NDST3: variants seen among roughly 807,000 people sequenced by gnomAD.
The protein encoded by NDST3 is N-deacetylase and N-sulfotransferase 3.
A neutral mutation model predicts 96.1 loss-of-function variants in NDST3; 58 were observed. The ratio of observed to expected loss-of-function variants is 0.60; its 90% confidence interval spans 0.49 to 0.75. The LOEUF (loss-of-function observed/expected upper bound fraction) is 0.75. Ranked by LOEUF, NDST3 falls within the 30% of genes least tolerant of loss-of-function variation. NDST3 has a pLI of 0.00. For synonymous variants in NDST3, 333 were observed against 359.7 expected (o/e 0.93, Z 0.84); for missense variants, 788 against 1,034.2 (o/e 0.76, Z 3.27).
chr4:118,194,146 C>T, intron 6 of NDST3: 1 of 923,784 alleles, frequency 1.1e-6, no homozygotes, highest in African/African-American at 1.6e-5. Context: ...GTTCTCCTTT[C>T]TACATGCACT....
intron 9 of NDST3, among the ~76,000 whole-genome samples, chr4:118,235,951 T>C (rs1353295153): frequency 6.6e-6 from 1 of 152,216 alleles, no homozygotes; most frequent in Non-Finnish European, 1.5e-5. Flanking sequence ...TACCAGAAGC[T>C]TTATCATGTT....
chr4:118,053,306 C>T (rs145639001), intron 1 of NDST3, among the ~76,000 whole-genome samples: 1 of 151,952 alleles, frequency 6.6e-6, no homozygotes, highest in African/African-American at 2.4e-5. Context: ...ATTGACTGTG[C>T]CATCGACTTT....
chr4:118,037,259 T>C (rs954813596), intron 1 of NDST3, among the ~76,000 whole-genome samples: 1 of 152,182 alleles, frequency 6.6e-6, no homozygotes, highest in Admixed American at 6.5e-5. Context: ...ATTGTCTAGA[T>C]TTCTGCTAAG....
At chr4:118,099,418 C>T (rs1377016538) in intron 2 of NDST3, among the ~76,000 whole-genome samples, 3 of 152,088 alleles carry the variant, frequency 2.0e-5, no homozygotes, top group Non-Finnish European at 4.4e-5. Context: ...ACAGTCCAGC[C>T]TTTGGTCTTT....
Position 118,152,935 on chromosome 4 carries a change from A to G in NDST3, c.1539+9251A>G, listed in dbSNP as rs1237680279. 3.3e-5 allele frequency among the ~76,000 whole-genome samples: 5 copies of G among 150,732 alleles called. No homozygotes were observed. In the South Asian group the frequency reaches 6.2e-4, roughly 19 times the overall value. Reference sequence around the variant, plus strand: ...TCAGCTCACCTTTCTGAGTCAGCCCATATCAGTCCTGGCCTTCTGTGAAAT... The same window carrying G: ...TCAGCTCACCTTTCTGAGTCAGCCCGTATCAGTCCTGGCCTTCTGTGAAAT... On this transcript the variant is annotated intron_variant, in intron 6 of 13. Transcript: ENST00000296499.
chr4:118,139,128 A>T (rs763928851), intron 5 of NDST3, among the ~76,000 whole-genome samples: 7 of 152,204 alleles, frequency 4.6e-5, no homozygotes, highest in Non-Finnish European at 7.3e-5. Flanking sequence ...ATCATCTCCC[A>T]TCTTGACTTT....
intron 6 of NDST3, among the ~76,000 whole-genome samples, chr4:118,219,467 C>T (rs1256291137): frequency 6.6e-6 from 1 of 152,068 alleles, no homozygotes; most frequent in Non-Finnish European, 1.5e-5. Flanking sequence ...ATAAATGGTG[C>T]TGGAAAAACT....
chr4:118,230,078 A>G (rs1740166497), intron 8 of NDST3, among the ~76,000 whole-genome samples: 1 of 152,224 alleles, frequency 6.6e-6, no homozygotes, highest in South Asian at 2.1e-4. Flanking sequence ...AAATTCACAC[A>G]GCTGGTAAGT....
At chr4:118,140,615 TTAA>T (rs1356688005) in intron 5 of NDST3, among the ~76,000 whole-genome samples, 1 of 152,172 alleles carries the variant, frequency 6.6e-6, no homozygotes, top group Non-Finnish European at 1.5e-5. Flanking sequence ...GGAAAGAGGT[TTAA>T]TGGACTCATA....
intron 2 of NDST3, among the ~76,000 whole-genome samples, chr4:118,082,168 C>T (rs918784871): frequency 1.3e-5 from 2 of 152,124 alleles, no homozygotes; most frequent in South Asian, 2.1e-4. Context: ...AGTATTTTTA[C>T]ATCCTCGTGC....
At chr4:118,116,747 A>G (rs1368729267) in intron 4 of NDST3, among the ~76,000 whole-genome samples, 1 of 151,994 alleles carries the variant, frequency 6.6e-6, no homozygotes, top group Non-Finnish European at 1.5e-5. Context: ...AGTCCCAGCT[A>G]CTCAGGAAGC....
At chr4:118,142,485 G>C (rs915481405) in intron 5 of NDST3, among the ~76,000 whole-genome samples, 27 of 151,928 alleles carry the variant, frequency 1.8e-4, no homozygotes, top group African/African-American at 5.6e-4. Flanking sequence ...AAAAACACTA[G>C]TATATTTCTA....
At chr4:118,095,097 A>C (rs1338203012) in intron 2 of NDST3, among the ~76,000 whole-genome samples, 1 of 151,864 alleles carries the variant, frequency 6.6e-6, no homozygotes. Context: ...AAAAAAGAAA[A>C]AAGAGTGGTC....
At chr4:118,105,195 T>A in intron 3 of NDST3, 90 bp downstream of exon 3, 1 of 797,350 alleles carries the variant, frequency 1.3e-6, no homozygotes, top group Non-Finnish European at 2.0e-6. Flanking sequence ...CTGTCCTACA[T>A]TCCCTATGTT....
At position 118,053,847 on chromosome 4, in the gene NDST3, A is replaced by G. The variant is rs1387721422; in HGVS notation, c.-64A>G. 4.6e-6 allele frequency: 7 copies of G among 1,507,678 alleles called. No homozygotes were observed. The highest frequency in any genetic ancestry group is 6.2e-6 in the Non-Finnish European group (7 of 1,129,748). 93.4% of individuals were successfully genotyped at this position (1,507,678 alleles called of 1,614,324 possible). A position where few individuals can be genotyped will look rare whatever the true frequency, so the allele number is the denominator to read the frequency against. Reference sequence around the variant, plus strand: ...CAGAGATTGGAAAAGTAGCTGGAACACCATCTTTTCTTTTAACTTTTTATG... The same window carrying G: ...CAGAGATTGGAAAAGTAGCTGGAACGCCATCTTTTCTTTTAACTTTTTATG... On this transcript the variant is annotated 5_prime_UTR_variant, in exon 2 of 14. Transcript: ENST00000296499.
intron 1 of NDST3, among the ~76,000 whole-genome samples, chr4:118,043,907 C>T (rs763103700): frequency 9.2e-5 from 14 of 152,168 alleles, no homozygotes; most frequent in Non-Finnish European, 1.8e-4. Flanking sequence ...TCCTCAGGGA[C>T]GTGCACTGGA....
chr4:118,116,125 T>C (rs753678285), intron 4 of NDST3, among the ~76,000 whole-genome samples: 7 of 152,182 alleles, frequency 4.6e-5, no homozygotes, highest in Admixed American at 2.0e-4. Context: ...GAATTTGTAA[T>C]AGAAAGTGCT....
chr4:118,151,951 G>A (rs1734428178), intron 6 of NDST3, among the ~76,000 whole-genome samples: 1 of 152,068 alleles, frequency 6.6e-6, no homozygotes, highest in African/African-American at 2.4e-5. Context: ...ATAATTGTGG[G>A]TTGTATTAGC....
At chr4:118,253,419 T>G in intron 12 of NDST3, 80 bp from the exon 13 acceptor site, 1 of 838,068 alleles carries the variant, frequency 1.2e-6, no homozygotes, top group East Asian at 2.4e-5. Flanking sequence ...CACTATATCA[T>G]ATGTATTGGT....
Sources: allele counts gnomAD v4.1 joint callset (sites outside exome capture counted in the v4.1 genomes callset), GRCh38; gene constraint gnomAD v4.1.1; transcripts MANE v1.5; gene names NCBI Gene and HGNC (gene_info 2026-07-23, HGNC 2026-07-21).